CLDN16: variants seen among roughly 807,000 people sequenced by gnomAD.
CLDN16 encodes the protein claudin-16.
In CLDN16, 13 loss-of-function variants were observed where a neutral mutation model predicts 24.6. That is an observed-to-expected ratio of 0.53 (90% CI 0.34 to 0.84). The LOEUF (loss-of-function observed/expected upper bound fraction) is 0.84. Ranked by LOEUF, CLDN16 falls within the 40% of genes least tolerant of loss-of-function variation. The probability of loss-of-function intolerance (pLI) is 0.01; values close to 1 mark genes in which losing one functional copy is unlikely to be tolerated. For missense variants in CLDN16, 298 were observed against 292.7 expected, an observed-to-expected ratio of 1.02 and a Z score of -0.13; for synonymous variants, 116 against 106.7, an observed-to-expected ratio of 1.09 and a Z score of -0.54.
At chr3:190,309,759 C>A in the CLDN16 span, among the ~76,000 whole-genome samples, 1 of 152,018 alleles carries the variant, frequency 6.6e-6, no homozygotes, top group South Asian at 2.1e-4. Flanking sequence ...ATTCATTAAC[C>A]CCTATAGTAG....
chr3:190,396,927 A>C (rs2108664455), intron 1 of CLDN16, among the ~76,000 whole-genome samples: 1 of 152,284 alleles, frequency 6.6e-6, no homozygotes, highest in East Asian at 1.9e-4. Flanking sequence ...AAATGCCTTA[A>C]GGAACCAAGT....
chr3:190,381,988 T>C (rs1056376784), intron 3 of CLDN16, among the ~76,000 whole-genome samples: 2 of 151,780 alleles, frequency 1.3e-5, no homozygotes, highest in African/African-American at 4.8e-5. Context: ...AATGAAAGGA[T>C]ATTAATAATG....
At chr3:190,311,166 C>T in the CLDN16 span, among the ~76,000 whole-genome samples, 1 of 152,094 alleles carries the variant, frequency 6.6e-6, no homozygotes, top group Non-Finnish European at 1.5e-5. Flanking sequence ...GATGCTTACT[C>T]CTAAGAGAAG....
intron 3 of CLDN16, among the ~76,000 whole-genome samples, chr3:190,379,978 T>TATC (rs764924398): frequency 1.8e-4 from 27 of 149,994 alleles, no homozygotes; most frequent in Non-Finnish European, 2.2e-4. Flanking sequence ...CAACTCTGTC[T>TATC]ATCTATCTAT....
the CLDN16 span, among the ~76,000 whole-genome samples, chr3:190,310,808 A>G: frequency 6.6e-6 from 1 of 152,210 alleles, no homozygotes; most frequent in African/African-American, 2.4e-5. Context: ...ATATAGGTAT[A>G]GGTTGGCCTG....
chr3:190,333,950 T>C (rs905756954), intron 1 of CLDN16, among the ~76,000 whole-genome samples: 2 of 152,006 alleles, frequency 1.3e-5, no homozygotes, highest in African/African-American at 4.8e-5. Flanking sequence ...GTAAAGAGTA[T>C]TATGGAATCA....
rs550043492 is a variant in CLDN16 at position 190,393,373 on chromosome 3, C to G, written c.114+4930C>G. 4.6e-5 allele frequency among the ~76,000 whole-genome samples: 7 copies of G among 152,196 alleles called. No homozygotes were observed. In the South Asian group the frequency reaches 1.5e-3, roughly 32 times the overall value. On this transcript the variant is annotated intron_variant, in intron 1 of 4. Transcript: ENST00000264734. ...TAGATTTAACTTTATATCAGAGGGA[C>G]CTGAGGTTAAATCCCACCTTACCAG...
intron 1 of CLDN16, among the ~76,000 whole-genome samples, chr3:190,368,545 T>C (rs1350832145): frequency 6.6e-6 from 1 of 152,026 alleles, no homozygotes; most frequent in East Asian, 1.9e-4. Context: ...TGATTTTGAC[T>C]AAACCAATCA....
the CLDN16 span, among the ~76,000 whole-genome samples, chr3:190,290,374 C>G: frequency 2.6e-5 from 4 of 152,130 alleles, no homozygotes; most frequent in Admixed American, 1.3e-4. Context: ...TTTTAGAGAG[C>G]TTTTGTCTGT....
the CLDN16 span, among the ~76,000 whole-genome samples, chr3:190,310,436 T>TAA: frequency 6.6e-6 from 1 of 152,152 alleles, no homozygotes; most frequent in Non-Finnish European, 1.5e-5. Context: ...TATTAAAATA[T>TAA]AAAAAAATAC....
At chr3:190,339,017 A>G (rs1717371695) in intron 1 of CLDN16, among the ~76,000 whole-genome samples, 1 of 152,218 alleles carries the variant, frequency 6.6e-6, no homozygotes, top group Non-Finnish European at 1.5e-5. Flanking sequence ...TTCTCTCTCC[A>G]AAGACTGACA....
intron 1 of CLDN16, among the ~76,000 whole-genome samples, chr3:190,392,179 G>A (rs1718696538): frequency 1.3e-5 from 2 of 150,842 alleles, no homozygotes; most frequent in African/African-American, 4.9e-5. Context: ...TGGGAATCTA[G>A]TGGAAGGATC....
chr3:190,306,529 T>A, the CLDN16 span: 2 of 152,438 alleles, frequency 1.3e-5, no homozygotes, highest in South Asian at 2.1e-4. Flanking sequence ...CCCCACAACA[T>A]CACTGTGAGG....
At chr3:190,296,570 G>C in the CLDN16 span, among the ~76,000 whole-genome samples, 2 of 129,880 alleles carry the variant, frequency 1.5e-5, no homozygotes, top group African/African-American at 3.1e-5. Context: ...TTTTTTTTGA[G>C]ACGGAGCCTC....
At chr3:190,408,260 A>G in intron 3 of CLDN16, 54 bp from the exon 4 acceptor site, 3 of 1,546,458 alleles carry the variant, frequency 1.9e-6, no homozygotes, top group Middle Eastern at 1.7e-4. Context: ...GTATTTTTGG[A>G]TTTAAATTCA....
chr3:190,358,123 C>A lies in CLDN16; in HGVS notation n.122-12770C>A, dbSNP rs73192434. 9.6e-3 allele frequency among the ~76,000 whole-genome samples: 1,455 copies of A among 151,968 alleles called. 13 individuals are homozygous for A. Among genetic ancestry groups the A allele is most frequent in the Non-Finnish European group, 0.015 (1,045 of 67,902 alleles). ...AAAAGAAAAGAATCTGGATCTTAAA[C>A]TCTGGTCTCTTTCCTTTTTATGTTT... On this transcript the variant is annotated intron_variant and non_coding_transcript_variant, in intron 1 of 4. Transcript: ENST00000468220.
At chr3:190,298,377 C>CACT in the CLDN16 span, among the ~76,000 whole-genome samples, 13 of 95,490 alleles carry the variant, frequency 1.4e-4, no homozygotes, top group East Asian at 2.0e-3. Flanking sequence ...ACACACACAC[C>CACT]TTAACAATGT....
intron 1 of CLDN16, among the ~76,000 whole-genome samples, chr3:190,390,246 A>C (rs1474130173): frequency 3.9e-5 from 6 of 152,204 alleles, no homozygotes; most frequent in African/African-American, 1.2e-4. Context: ...CTTCACATTT[A>C]AAGGAAGAGG....
intron 1 of CLDN16, among the ~76,000 whole-genome samples, chr3:190,338,104 A>T (rs764363078): frequency 2.6e-5 from 4 of 152,186 alleles, no homozygotes; most frequent in Non-Finnish European, 4.4e-5. Context: ...AGTAACCAAA[A>T]GACGGAGGAA....
Sources: gnomAD v4.1 joint callset for allele counts (sites outside exome capture counted in the v4.1 genomes callset) on GRCh38, gnomAD v4.1.1 for gene constraint, MANE v1.5 for transcripts, NCBI Gene and HGNC (gene_info 2026-07-23, HGNC 2026-07-21) for gene names.